PRMT7: variants seen among roughly 807,000 people sequenced by gnomAD.
The protein encoded by PRMT7 is protein arginine N-methyltransferase 7.
PRMT7 carries 75 observed loss-of-function variants against 85.4 expected under a neutral mutation model. That is an observed-to-expected ratio of 0.88 (90% CI 0.73 to 1.06). PRMT7 has a LOEUF of 1.06. Among genes scored for constraint, PRMT7 ranks in the 50% least tolerant of loss-of-function variants. PRMT7 has a pLI of 0.00. For synonymous variants in PRMT7, 397 were observed against 359.5 expected (o/e 1.10, Z -1.18); for missense variants, 868 against 915.2 (o/e 0.95, Z 0.67).
rs1197283879 is a variant in PRMT7 at position 68,353,271 on chromosome 16, T to G, written c.1576-221T>G. The G allele has an allele frequency of 5.2e-6, 5 of 962,658 alleles. No individual in the cohort carries two copies. In the East Asian group the frequency reaches 1.6e-4, roughly 31 times the overall value. 59.6% of individuals were successfully genotyped at this position (962,658 alleles called of 1,614,324 possible). A position where few individuals can be genotyped will look rare whatever the true frequency, so the allele number is the denominator to read the frequency against. ...CCTAGGAGCTCTGGCCGACTGTCCC[T>G]TATAGGAGAGGACTCAGGTGTCACG... On this transcript the variant is annotated intron_variant, in intron 15 of 18. Transcript: ENST00000441236.
chr16:68,322,494 G>A (rs577220455), intron 4 of PRMT7: 10 of 411,748 alleles, frequency 2.4e-5, no homozygotes, highest in South Asian at 1.5e-4. Context: ...TACTGCGCCC[G>A]GCCATCGTGT....
intron 14 of PRMT7, among the ~76,000 whole-genome samples, chr16:68,349,153 A>G (rs1780679768): frequency 6.6e-6 from 1 of 152,094 alleles, no homozygotes; most frequent in East Asian, 1.9e-4. Flanking sequence ...TGCAGGCTTC[A>G]TCTGCTCTAC....
In PRMT7 at chr16:68,339,353, C is replaced by A. The variant is rs2085178191; in HGVS notation, c.536C>A (p.Thr179Asn). The A allele has an allele frequency of 1.2e-6, 2 of 1,614,182 alleles. No individual in the cohort carries two copies. The highest frequency in any genetic ancestry group is 4.5e-5 in the East Asian group (2 of 44,882). ...TGTGAGGCCGTGCCCCACAGAGCCA[C>A]CGTCTATGCACAGCTGGTGGAGTCC... ...ENCEAVPHRA[T>N]VYAQLVESGR... Residue 179 changes from threonine to asparagine, a missense_variant, in exon 8 of 19, where the codon ACC (threonine) becomes AAC (asparagine). Thr to Asn is a moderately conservative substitution (Grantham distance 65). Coordinates refer to ENST00000441236, the MANE Select transcript of PRMT7 (RefSeq NM_019023.5).
chr16:68,353,467 G>A (rs1481410262), intron 15 of PRMT7, 25 bp from the exon 16 acceptor site: 1 of 1,610,496 alleles, frequency 6.2e-7, no homozygotes. Flanking sequence ...GGGCGGGTGT[G>A]GACGGGGCTG....
chr16:68,356,956 G>T (rs1234812260), intron 18 of PRMT7, 98 bp from the exon 19 acceptor site: 5 of 1,437,658 alleles, frequency 3.5e-6, no homozygotes, highest in Non-Finnish European at 3.8e-6. Flanking sequence ...CCCCTGAGCA[G>T]CTTCTCTCTG....
At chr16:68,324,568 G>A (rs1290359087) in intron 4 of PRMT7, 115 bp from the exon 5 acceptor site, 1 of 1,298,144 alleles carries the variant, frequency 7.7e-7, no homozygotes, top group Admixed American at 2.1e-5. Context: ...GGGCCAGAAA[G>A]GCCATAGGGC....
At chr16:68,351,636 T>G (rs1411896901) in intron 14 of PRMT7, 1 of 152,810 alleles carries the variant, frequency 6.5e-6, no homozygotes, top group East Asian at 1.9e-4. Flanking sequence ...GGCCTCACTC[T>G]TGCCCCTGCT....
chr16:68,323,864 G>A (rs968266369), intron 4 of PRMT7: 9 of 152,148 alleles, frequency 5.9e-5, no homozygotes, highest in African/African-American at 2.2e-4. Flanking sequence ...GGGTCACTGT[G>A]CCTATTGAGT....
At chr16:68,348,906 C>T (rs1449817486) in intron 14 of PRMT7, among the ~76,000 whole-genome samples, 3 of 151,968 alleles carry the variant, frequency 2.0e-5, no homozygotes, top group Non-Finnish European at 2.9e-5. Context: ...CCCAAAGTGT[C>T]GGGGTTACAG....
rs140624242 is a variant in PRMT7, at chr16:68,355,836, G to A, written c.1764G>A (p.Pro588=). 6.0e-5 allele frequency: 96 copies of A among 1,609,428 alleles called. No individual in the cohort carries two copies. In the African/African-American group the frequency reaches 9.7e-4, roughly 16 times the overall value. Residue 588 remains proline, a synonymous_variant, in exon 17 of 19, where the codon CCG becomes CCA. Transcript: ENST00000441236. ...TCCTGACCTTTGACTTCCAGCAGCCGGTGCCCCTGCAGCCCCTGTGTGCCG... is the reference window on the plus strand; with the variant it reads ...TCCTGACCTTTGACTTCCAGCAGCCAGTGCCCCTGCAGCCCCTGTGTGCCG... ...WQILTFDFQQ[P]VPLQPLCAEG...
intron 6 of PRMT7, 42 bp downstream of exon 6, chr16:68,329,216 T>C: frequency 7.0e-7 from 1 of 1,433,274 alleles, no homozygotes; most frequent in South Asian, 1.2e-5. Flanking sequence ...TGCTTGCTCT[T>C]GTGTGAGAGA....
At chr16:68,332,562 C>T (rs374971914) in intron 6 of PRMT7, among the ~76,000 whole-genome samples, 2 of 152,202 alleles carry the variant, frequency 1.3e-5, no homozygotes, top group African/African-American at 4.8e-5. Flanking sequence ...ATCACTCATG[C>T]AACCTTTGCT....
At position 68,355,823 on chromosome 16, in the gene PRMT7, A is replaced by G; in HGVS notation, c.1751A>G (p.Asp584Gly). Residue 584 changes from aspartate to glycine, a missense_variant, in exon 17 of 19, where the codon GAC (aspartate) becomes GGC (glycine). By Grantham distance (94) the Asp-to-Gly change is moderately conservative. Coordinates refer to ENST00000441236, the MANE Select transcript of PRMT7 (RefSeq NM_019023.5). ...GAGCCCTGGCAGATCCTGACCTTTG[A>G]CTTCCAGCAGCCGGTGCCCCTGCAG... ...LSEPWQILTFDFQQPVPLQPL... is the reference protein window; with the variant it reads ...LSEPWQILTFGFQQPVPLQPL... 6.2e-7 allele frequency: 1 copy of G among 1,610,526 alleles called. No individual in the cohort carries two copies. The highest frequency in any genetic ancestry group is 8.5e-7 in the Non-Finnish European group (1 of 1,179,272).
intron 8 of PRMT7, 47 bp from the exon 9 acceptor site, chr16:68,339,741 G>C (rs781675457): frequency 6.3e-7 from 1 of 1,591,108 alleles, no homozygotes; most frequent in African/African-American, 1.3e-5. Context: ...AAAAAATGGA[G>C]TGTGTGAGGT....
In PRMT7 at chr16:68,356,798, G is replaced by A. The variant is rs2088613531; in HGVS notation, c.1908+1G>A. ...CCTCCTGGAGCCTGCAGACCCCGAG[G>A]TAGTGCCTGCGCACCGGGCCCAGTG... On this transcript the variant is annotated splice_donor_variant, in intron 18 of 18. Transcript: ENST00000441236. LOFTEE classifies it high-confidence loss of function. 6.2e-7 allele frequency: 1 copy of A among 1,604,864 alleles called. No homozygotes were observed. Among genetic ancestry groups the A allele is most frequent in the Non-Finnish European group, 8.5e-7 (1 of 1,177,092 alleles).
At position 68,347,210 on chromosome 16, in the gene PRMT7, G is replaced by C. The variant is rs1424842868; in HGVS notation, c.1192-1G>C. ...GTGCTGAGCTTGCCTGTTCCCCGCA[G>C]GTGCTGAAGCCAGACAGCGTGTGCC... On this transcript the variant is annotated splice_acceptor_variant, in intron 11 of 18. Coordinates refer to ENST00000441236, the MANE Select transcript of PRMT7 (RefSeq NM_019023.5). LOFTEE classifies it high-confidence loss of function. 6.4e-7 allele frequency: 1 copy of C among 1,552,180 alleles called. No individual in the cohort carries two copies. Among genetic ancestry groups the C allele is most frequent in the Non-Finnish European group, 8.7e-7 (1 of 1,147,100 alleles).
At position 68,321,581 on chromosome 16, in the gene PRMT7, G is replaced by A. The variant is rs982522019; in HGVS notation, c.132+119G>A. The A allele has an allele frequency of 2.1e-5, 20 of 937,738 alleles. 1 individual carries two copies. The highest frequency in any genetic ancestry group is 3.2e-5 in the Non-Finnish European group (20 of 625,278). 58.1% of individuals were successfully genotyped at this position (937,738 alleles called of 1,614,324 possible). Reference sequence around the variant, plus strand: ...ATGATACTGAGAGGCGTATGGTGTAGAAGTCAGGAAATCAGTTGGGAGACT... The same window carrying A: ...ATGATACTGAGAGGCGTATGGTGTAAAAGTCAGGAAATCAGTTGGGAGACT... On this transcript the variant is annotated intron_variant, in intron 4 of 18. Coordinates refer to ENST00000441236, the MANE Select transcript of PRMT7 (RefSeq NM_019023.5).
In PRMT7 at chr16:68,337,574, A is replaced by C. The variant is rs764391841; in HGVS notation, c.504+3A>C. On this transcript the variant is annotated splice_donor_region_variant and intron_variant, in intron 7 of 18. Transcript: ENST00000441236. ...ACGCACACAGGCATCTCGTGGAGGT[A>C]GTAGACGGAGGGCTCCCTCAGACGT... is the stretch of plus-strand genomic sequence containing the variant. 1 of 1,594,560 alleles carries C rather than the reference A, an allele frequency of 6.3e-7. No homozygotes were observed.
intron 6 of PRMT7, among the ~76,000 whole-genome samples, chr16:68,334,626 C>T (rs995120138): frequency 2.0e-4 from 30 of 152,246 alleles, no homozygotes; most frequent in Admixed American, 5.9e-4. Context: ...AGCGTGTGTT[C>T]ATCCGTCCAT....
Sources: gnomAD v4.1 joint callset for allele counts (sites outside exome capture counted in the v4.1 genomes callset) on GRCh38, gnomAD v4.1.1 for gene constraint, MANE v1.5 for transcripts, NCBI Gene and HGNC (gene_info 2026-07-23, HGNC 2026-07-21) for gene names.